RAPGEF1: variants seen among roughly 807,000 people sequenced by gnomAD.
RAPGEF1 encodes Rap guanine nucleotide exchange factor 1.
Under a neutral mutation model 143.3 loss-of-function variants are expected in RAPGEF1, and 33 were observed. The ratio of observed to expected loss-of-function variants is 0.23; its 90% CI spans 0.17 to 0.31. The LOEUF is 0.31. RAPGEF1 is among the 10% of genes least tolerant of loss of function. RAPGEF1 has a pLI of 1.00. For missense variants in RAPGEF1, 1,199 were observed against 1,645.4 expected (o/e 0.73, Z 4.69); for synonymous variants, 629 against 676.5 (o/e 0.93, Z 1.09).
chr9:131,585,908 G>A (rs569253086), intron 22 of RAPGEF1, among the ~76,000 whole-genome samples: 20 of 152,206 alleles, frequency 1.3e-4, no homozygotes, highest in African/African-American at 4.3e-4. Context: ...GGCTGGGAGC[G>A]GTGGCTCATG....
intron 1 of RAPGEF1, among the ~76,000 whole-genome samples, chr9:131,698,926 G>A (rs1016689655): frequency 3.9e-5 from 6 of 152,198 alleles, no homozygotes; most frequent in African/African-American, 9.7e-5. Flanking sequence ...CCTAAATAGC[G>A]GGGTGATTTG....
At chr9:131,693,092 C>A (rs1301712648) in intron 1 of RAPGEF1, among the ~76,000 whole-genome samples, 1 of 152,168 alleles carries the variant, frequency 6.6e-6, no homozygotes, top group Non-Finnish European at 1.5e-5. Flanking sequence ...TCAAAAAAGT[C>A]TTAAATGTGC....
In RAPGEF1 at chr9:131,588,722, G is replaced by A. The variant is rs1953641681; in HGVS notation, c.3053+79C>T. ...GTGCAGAACCAGGATGGGGCTGTGGGGCTGGCAGGGAGGGAGGGTAAACTG... is the reference window on the plus strand; with the variant it reads ...GTGCAGAACCAGGATGGGGCTGTGGAGCTGGCAGGGAGGGAGGGTAAACTG... On this transcript the variant is annotated intron_variant, in intron 20 of 26. Coordinates refer to ENST00000683357, the MANE Select transcript of RAPGEF1 (RefSeq NM_001377935.1). The A allele has an allele frequency of 6.4e-6, 9 of 1,414,664 alleles. 1 individual carries two copies. In the South Asian group the frequency reaches 1.1e-4, roughly 17 times the overall value. 87.6% of individuals were successfully genotyped at this position (1,414,664 alleles called of 1,614,324 possible).
chr9:131,717,764 C>A (rs1287215227), intron 1 of RAPGEF1, among the ~76,000 whole-genome samples: 317 of 104,302 alleles, frequency 3.0e-3, no homozygotes, highest in Middle Eastern at 4.7e-3. Context: ...GAGACTGTCT[C>A]AAAAAAAAAA....
At position 131,605,076 on chromosome 9, in the gene RAPGEF1, T is replaced by C. The variant is rs771507894; in HGVS notation, c.2174A>G (p.His725Arg). The change falls in exon 13 of 27, where the codon CAC becomes CGC. Residue 725 changes from histidine (H) to arginine (R), a missense_variant. His to Arg is a conservative substitution (Grantham distance 29). Transcript: ENST00000683357. ...SSSSPHFPPA[H>R]QSQSSDLAVP... ...GGCTAAGTCAGAGCTCTGAGACTGGTGGGCAGGTGGGAAATGTGGAGAGGA... is the reference window on the plus strand; with the variant it reads ...GGCTAAGTCAGAGCTCTGAGACTGGCGGGCAGGTGGGAAATGTGGAGAGGA... 1.5e-6 allele frequency: 2 copies of C among 1,364,716 alleles called. No individual in the cohort carries two copies. Among genetic ancestry groups the C allele is most frequent in the East Asian group, 4.6e-5 (1 of 21,952 alleles). 84.5% of individuals were successfully genotyped at this position (1,364,716 alleles called of 1,614,324 possible).
At chr9:131,656,782 C>T (rs972991893) in intron 1 of RAPGEF1, among the ~76,000 whole-genome samples, 1 of 152,240 alleles carries the variant, frequency 6.6e-6, no homozygotes, top group African/African-American at 2.4e-5. Context: ...AAGGGCACTT[C>T]TGCCTATGAG....
chr9:131,707,268 G>T (rs908146725), intron 1 of RAPGEF1, among the ~76,000 whole-genome samples: 1 of 151,730 alleles, frequency 6.6e-6, no homozygotes, highest in African/African-American at 2.4e-5. Context: ...TACTATGTAT[G>T]ACACAGTCAG....
rs747393717 is a variant in RAPGEF1 at position 131,589,978 on chromosome 9, T to C, written c.2775A>G (p.Arg925=). Residue 925 remains arginine (R), a splice_region_variant and synonymous_variant, in exon 19 of 27, where the codon AGA becomes AGG. Coordinates refer to ENST00000683357, the MANE Select transcript of RAPGEF1 (RefSeq NM_001377935.1). ...PEELIKKLQY[R]YEKFSPFADT... is the part of the protein sequence containing the mutation. ...CGGCAAAGGGAGAGAATTTCTCATA[T>C]GTGGAGCACGGGTTAAAGAAATAGC... 2.7e-5 allele frequency: 43 copies of C among 1,613,096 alleles called. No homozygotes were observed. Among genetic ancestry groups the C allele is most frequent in the Admixed American group, 6.7e-5 (4 of 59,994 alleles).
chr9:131,604,163 G>A (rs1956734298), intron 13 of RAPGEF1, 110 bp from the exon 14 acceptor site: 8 of 573,560 alleles, frequency 1.4e-5, no homozygotes, highest in Non-Finnish European at 2.3e-5. Context: ...CAGGTGCAGA[G>A]AGCAAAGCTG....
Position 131,605,131 on chromosome 9 carries a change from C to G in RAPGEF1, c.2119G>C (p.Val707Leu). 1.5e-6 allele frequency: 2 copies of G among 1,363,098 alleles called. No homozygotes were observed. Among genetic ancestry groups the G allele is most frequent in the South Asian group, 1.1e-5 (1 of 87,204 alleles). 84.4% of individuals were successfully genotyped at this position (1,363,098 alleles called of 1,614,324 possible). ...GAGGTAGGCGGAAGGAAAGGCGGAACGGAAGCTTGGTGGTGAGGCACGAAA... is the reference window on the plus strand; with the variant it reads ...GAGGTAGGCGGAAGGAAAGGCGGAAGGGAAGCTTGGTGGTGAGGCACGAAA... ...QDFVPHHQAS[V>L]PPFLPPTSSS... The change falls in exon 13 of 27, where the codon GTT becomes CTT. Residue 707 changes from valine to leucine, a missense_variant. Transcript: ENST00000683357.
chr9:131,648,877 A>G (rs567360642), intron 3 of RAPGEF1, among the ~76,000 whole-genome samples: 4 of 152,372 alleles, frequency 2.6e-5, no homozygotes, highest in South Asian at 4.1e-4. Flanking sequence ...TTCAAGAATT[A>G]TGTATTTAAA....
At position 131,603,390 on chromosome 9, in the gene RAPGEF1, G is replaced by A. The variant is rs534398933; in HGVS notation, c.2412+571C>T. Among the ~76,000 whole-genome samples, 15 of 152,326 alleles carry A rather than the reference G, an allele frequency of 9.8e-5. No homozygotes were observed. The South Asian group carries it at 1.9e-3, about 19-fold the overall frequency. On this transcript the variant is annotated intron_variant, in intron 14 of 26. Transcript: ENST00000683357. ...ATAGAACTGCTGTACCGCGATGGTC[G>A]GGAGCTGGGGCAGCAGCATCACGAG...
rs537239858 is a variant in RAPGEF1 at position 131,638,706 on chromosome 9, C to A, written c.580G>T (p.Val194Leu). The A allele has an allele frequency of 6.2e-7, 1 of 1,614,050 alleles. No homozygotes were observed. The highest frequency in any genetic ancestry group is 2.2e-5 in the East Asian group (1 of 44,892). Residue 194 changes from valine to leucine, a missense_variant, in exon 5 of 27, where the codon GTG becomes TTG. Coordinates refer to ENST00000683357, the MANE Select transcript of RAPGEF1 (RefSeq NM_001377935.1). Reference sequence around the variant, plus strand: ...ACCATCTCCTTGTCTTCTGAGTTCACGCCTTCCAGCATCACTTGGTCAGAC... The same window carrying A: ...ACCATCTCCTTGTCTTCTGAGTTCAAGCCTTCCAGCATCACTTGGTCAGAC... ...RWSDQVMLEG[V>L]NSEDKEMVTT...
At chr9:131,679,802 G>C (rs1222710404) in intron 1 of RAPGEF1, among the ~76,000 whole-genome samples, 1 of 152,194 alleles carries the variant, frequency 6.6e-6, no homozygotes, top group East Asian at 1.9e-4. Context: ...CTTCTTGTTG[G>C]ATATAGGCAG....
At chr9:131,590,206 C>T (rs2132262078) in intron 18 of RAPGEF1, among the ~76,000 whole-genome samples, 1 of 152,302 alleles carries the variant, frequency 6.6e-6, no homozygotes, top group South Asian at 2.1e-4. Flanking sequence ...GCTGCCCTCT[C>T]CTCCCTGCCA....
intron 1 of RAPGEF1, among the ~76,000 whole-genome samples, chr9:131,702,962 C>T (rs1033915840): frequency 6.6e-6 from 1 of 152,120 alleles, no homozygotes; most frequent in Non-Finnish European, 1.5e-5. Flanking sequence ...ATCGTGCAGC[C>T]GCTCTGAAAA....
At chr9:131,604,799 C>T in intron 13 of RAPGEF1, 132 bp downstream of exon 13, 2 of 1,172,172 alleles carry the variant, frequency 1.7e-6, no homozygotes, top group Non-Finnish European at 2.2e-6. Context: ...TGTGCGCTGG[C>T]AGCCCCCAAC....
chr9:131,616,999 A>C (rs1318795819), intron 12 of RAPGEF1, among the ~76,000 whole-genome samples: 1 of 152,202 alleles, frequency 6.6e-6, no homozygotes, highest in Non-Finnish European at 1.5e-5. Context: ...CTTTTTGCTA[A>C]GAATGCAGTG....
chr9:131,708,164 T>C (rs891657714), intron 1 of RAPGEF1, among the ~76,000 whole-genome samples: 2 of 152,248 alleles, frequency 1.3e-5, no homozygotes, highest in African/African-American at 4.8e-5. Context: ...AAACAGCAAC[T>C]GCTCTTAATA....
Sources: allele counts gnomAD v4.1 joint callset (sites outside exome capture counted in the v4.1 genomes callset), GRCh38; gene constraint gnomAD v4.1.1; transcripts MANE v1.5; gene names NCBI Gene and HGNC (gene_info 2026-07-23, HGNC 2026-07-21).